KCNH7: variants seen among roughly 807,000 people sequenced by gnomAD.
KCNH7 encodes potassium voltage-gated channel subfamily H member 7.
Under a neutral mutation model 120.8 loss-of-function variants are expected in KCNH7, and 49 were observed. That is an observed-to-expected ratio of 0.41 (90% CI 0.32 to 0.51). The LOEUF (loss-of-function observed/expected upper bound fraction) is 0.51. Ranked by LOEUF, KCNH7 falls within the 20% of genes least tolerant of loss-of-function variation. KCNH7 has a pLI of 0.38. For synonymous variants in KCNH7, 547 were observed against 516.1 expected, an observed-to-expected ratio of 1.06 and a Z score of -0.81; for missense variants, 1,097 against 1,446.6, an observed-to-expected ratio of 0.76 and a Z score of 3.92.
At chr2:162,717,111 T>A (rs1687149219) in intron 2 of KCNH7, among the ~76,000 whole-genome samples, 1 of 152,152 alleles carries the variant, frequency 6.6e-6, no homozygotes, top group Non-Finnish European at 1.5e-5. Flanking sequence ...AAGGTAGAAC[T>A]AAAAGGTTAA....
At chr2:162,567,729 A>G (rs1251467293) in intron 2 of KCNH7, among the ~76,000 whole-genome samples, 1 of 152,054 alleles carries the variant, frequency 6.6e-6, no homozygotes, top group Non-Finnish European at 1.5e-5. Flanking sequence ...TTCAAATAAC[A>G]AGAATAATTT....
At chr2:162,385,671 A>C (rs1558919422) in intron 12 of KCNH7, among the ~76,000 whole-genome samples, 1 of 151,934 alleles carries the variant, frequency 6.6e-6, no homozygotes, top group Non-Finnish European at 1.5e-5. Context: ...ACTTGTTTCT[A>C]TTAGTGTCCT....
chr2:162,724,630 C>G (rs1465956073), intron 2 of KCNH7, among the ~76,000 whole-genome samples: 2 of 147,660 alleles, frequency 1.4e-5, no homozygotes, highest in Non-Finnish European at 3.0e-5. Flanking sequence ...CGAGATCGCG[C>G]CACTGCACTC....
At chr2:162,512,137 GA>G (rs1691100023) in intron 5 of KCNH7, among the ~76,000 whole-genome samples, 1 of 151,662 alleles carries the variant, frequency 6.6e-6, no homozygotes, top group Admixed American at 6.6e-5. Flanking sequence ...ATATAATAGA[GA>G]AAAATAGAAA....
chr2:162,375,822 G>A, intron 14 of KCNH7, among the ~76,000 whole-genome samples: 1 of 151,288 alleles, frequency 6.6e-6, no homozygotes, highest in South Asian at 2.1e-4. Flanking sequence ...TGAAGTGGGA[G>A]GAAGGCTTGA....
chr2:162,796,235 T>C (rs1405227463), intron 2 of KCNH7: 19 of 152,082 alleles, frequency 1.2e-4, no homozygotes, highest in Non-Finnish European at 2.2e-4. Context: ...GACCTCATTT[T>C]TCTTATCTGT....
At chr2:162,556,880 T>C (rs1692875452) in intron 2 of KCNH7, among the ~76,000 whole-genome samples, 1 of 152,212 alleles carries the variant, frequency 6.6e-6, no homozygotes. Flanking sequence ...AAGGATTTAG[T>C]TTAAAAATTA....
At chr2:162,372,314 C>T (rs1685980687) in intron 15 of KCNH7, among the ~76,000 whole-genome samples, 1 of 151,990 alleles carries the variant, frequency 6.6e-6, no homozygotes, top group Non-Finnish European at 1.5e-5. Context: ...TTATTTAACC[C>T]TGGAACCAGA....
chr2:162,429,877 A>AT (rs780846857), intron 8 of KCNH7, among the ~76,000 whole-genome samples: 1,795 of 145,154 alleles, frequency 0.012, 15 homozygotes, highest in Non-Finnish European at 0.018. Flanking sequence ...AAAAAAACAG[A>AT]TTTTTTTTTT....
intron 3 of KCNH7, among the ~76,000 whole-genome samples, chr2:162,524,027 T>G (rs1691618435): frequency 6.6e-6 from 1 of 151,838 alleles, no homozygotes; most frequent in Non-Finnish European, 1.5e-5. Flanking sequence ...GTTGTAAAGG[T>G]CATAAGCAGA....
chr2:162,781,284 AT>A (rs550322724), intron 2 of KCNH7, among the ~76,000 whole-genome samples: 29 of 149,786 alleles, frequency 1.9e-4, no homozygotes, highest in African/African-American at 2.4e-4. Flanking sequence ...ATTATTATTA[AT>A]TTTTTTTTTA....
intron 6 of KCNH7, among the ~76,000 whole-genome samples, chr2:162,491,198 AAG>A (rs1690292609): frequency 6.6e-6 from 1 of 152,208 alleles, no homozygotes; most frequent in African/African-American, 2.4e-5. Context: ...TACAAAGATT[AAG>A]AGTTTCTCTC....
chr2:162,612,368 C>T (rs1408397020), intron 2 of KCNH7, among the ~76,000 whole-genome samples: 1 of 152,100 alleles, frequency 6.6e-6, no homozygotes, highest in Non-Finnish European at 1.5e-5. Flanking sequence ...AACAAGTAAA[C>T]TCATCTATCT....
chr2:162,553,559 A>G (rs1574094347), intron 2 of KCNH7, among the ~76,000 whole-genome samples: 2 of 151,906 alleles, frequency 1.3e-5, no homozygotes, highest in Admixed American at 1.3e-4. Context: ...TGAGGCAGGA[A>G]AATGGCGTGA....
chr2:162,783,533 T>C (rs1413234517), intron 2 of KCNH7, among the ~76,000 whole-genome samples: 1 of 152,206 alleles, frequency 6.6e-6, no homozygotes, highest in Non-Finnish European at 1.5e-5. Context: ...TGTGGTTTTA[T>C]AGCTTGATCC....
intron 2 of KCNH7, among the ~76,000 whole-genome samples, chr2:162,711,185 C>T (rs924480005): frequency 6.6e-6 from 1 of 152,204 alleles, no homozygotes; most frequent in Non-Finnish European, 1.5e-5. Context: ...AGTCTTGCCC[C>T]TGTTTTATTC....
At chr2:162,604,525 G>A (rs1033837080) in intron 2 of KCNH7, among the ~76,000 whole-genome samples, 1 of 151,916 alleles carries the variant, frequency 6.6e-6, no homozygotes, top group Non-Finnish European at 1.5e-5. Context: ...GCTACGATTT[G>A]CATATCAGAT....
At chr2:162,684,194 T>A (rs1685806332) in intron 2 of KCNH7, among the ~76,000 whole-genome samples, 1 of 151,854 alleles carries the variant, frequency 6.6e-6, no homozygotes, top group African/African-American at 2.4e-5. Flanking sequence ...ATACAAAAAT[T>A]AACTCAAGAT....
intron 6 of KCNH7, among the ~76,000 whole-genome samples, chr2:162,503,060 T>C (rs1156534437): frequency 6.6e-6 from 1 of 152,110 alleles, no homozygotes; most frequent in Non-Finnish European, 1.5e-5. Flanking sequence ...TAACCGCAGT[T>C]AGACAGAGCT....
Sources: gnomAD v4.1 joint callset for allele counts (sites outside exome capture counted in the v4.1 genomes callset) on GRCh38, gnomAD v4.1.1 for gene constraint, MANE v1.5 for transcripts, NCBI Gene and HGNC (gene_info 2026-07-23, HGNC 2026-07-21) for gene names.